Variants in ATP7B observed in about 807,000 individuals in gnomAD.
The protein encoded by ATP7B is copper-transporting ATPase 2.
Under a neutral mutation model 118.9 loss-of-function variants are expected in ATP7B, and 113 were observed. The ratio of observed to expected loss-of-function variants is 0.95; its 90% CI spans 0.82 to 1.11. ATP7B has a LOEUF of 1.11. ATP7B is among the 50% of genes most tolerant of loss of function. The pLI is 0.00. For missense variants in ATP7B, 1,867 were observed against 1,871.4 expected (o/e 1.00, Z 0.04); for synonymous variants, 777 against 727.4 (o/e 1.07, Z -1.10).
Position 51,998,916 on chromosome 13 carries a change from G to A in ATP7B, c.51+12371C>T, listed in dbSNP as rs537825238. The stretch of plus-strand genomic sequence containing the variant: ...TCACACTGGGCAGGGCTTCCCAGAC[G>A]AAATCCCCAGGCCATCCCTCCCAAG... On this transcript the variant is annotated intron_variant, in intron 1 of 20. Coordinates refer to ENST00000242839, the MANE Select transcript of ATP7B (RefSeq NM_000053.4). Among the ~76,000 whole-genome samples, 6 of 152,258 alleles carry A rather than the reference G, an allele frequency of 3.9e-5. No homozygotes were observed. The East Asian group carries it at 7.7e-4, about 20-fold the overall frequency.
In ATP7B at chr13:51,969,596, A is replaced by G. The variant is rs116160442; in HGVS notation, c.1543+896T>C. Reference sequence around the variant, plus strand: ...CACTATTGTGTTAGTTTTACATGGGAAAAAAAGCCTCGTTCAAATAAATGA... The same window carrying G: ...CACTATTGTGTTAGTTTTACATGGGGAAAAAAGCCTCGTTCAAATAAATGA... On this transcript the variant is annotated intron_variant, in intron 3 of 20. Transcript: ENST00000242839. Among the ~76,000 whole-genome samples the G allele has an allele frequency of 6.8e-3, 1,029 of 152,290 alleles. 6 individuals are homozygous for G. Among genetic ancestry groups the G allele is most frequent in the African/African-American group, 0.019 (800 of 41,576 alleles).
intron 1 of ATP7B, 86 bp downstream of exon 1, chr13:52,011,201 G>C: frequency 6.2e-7 from 1 of 1,603,646 alleles, no homozygotes. Context: ...CGCACCCCCT[G>C]GGGGCGAGTA....
rs568128361 is a variant in ATP7B at position 51,950,336 on chromosome 13, T to C, written c.2511A>G (p.Gly837=). 2.0e-5 allele frequency: 33 copies of C among 1,614,036 alleles called. No homozygotes were observed. Among genetic ancestry groups the C allele is most frequent in the African/African-American group, 2.7e-5 (2 of 74,996 alleles). ...GGACTTTCCCATCCACTGGAAACTTTCCCCCAGGGACCACCTTGACGATAT... is the reference window on the plus strand; with the variant it reads ...GGACTTTCCCATCCACTGGAAACTTCCCCCCAGGGACCACCTTGACGATAT... ...RGDIVKVVPG[G]KFPVDGKVLE... Residue 837 remains glycine (G), a synonymous_variant, in exon 10 of 21, where the codon GGA becomes GGG. Transcript: ENST00000242839.
chr13:51,951,805 T>C (rs1428649890), intron 9 of ATP7B, among the ~76,000 whole-genome samples: 1 of 152,092 alleles, frequency 6.6e-6, no homozygotes, highest in Non-Finnish European at 1.5e-5. Context: ...GTAGGGTTTG[T>C]GTGTTGCAGT....
At position 51,970,576 on chromosome 13, in the gene ATP7B, G is replaced by GTGCCAC; in HGVS notation, c.1453_1458dup (p.Val485_Ala486dup). 6.2e-7 allele frequency: 1 copy of GTGCCAC among 1,614,136 alleles called. No individual in the cohort carries two copies. Among genetic ancestry groups the GTGCCAC allele is most frequent in the Non-Finnish European group, 8.5e-7 (1 of 1,180,026 alleles). On this transcript the variant is annotated inframe_insertion, in exon 3 of 21. Transcript: ENST00000242839. Reference sequence around the variant, plus strand: ...TTGATCTGTAAGAAGCACTTCTGCGGTGCCACTGCTCTGGTTGATTGTGGG... The same window carrying GTGCCAC: ...TTGATCTGTAAGAAGCACTTCTGCGGTGCCACTGCCACTGCTCTGGTTGATTGTGGG...
At chr13:51,963,694 C>T (rs974992573) in intron 5 of ATP7B, among the ~76,000 whole-genome samples, 1 of 149,120 alleles carries the variant, frequency 6.7e-6, no homozygotes, top group Non-Finnish European at 1.5e-5. Context: ...CGAGATCATG[C>T]CATCACACTC....
chr13:51,944,161 T>G lies in ATP7B; in HGVS notation c.3191A>C (p.Glu1064Ala), dbSNP rs374094065. ...RKVLAVVGTA[E>A]ASSEHPLGVA... ...GCCCAAGGGGTGTTCACTGCTGGCCTCCGCAGTCCCCACCACAGCCAGAAC... is the reference window on the plus strand; with the variant it reads ...GCCCAAGGGGTGTTCACTGCTGGCCGCCGCAGTCCCCACCACAGCCAGAAC... Residue 1064 changes from glutamate (E) to alanine (A), a missense_variant, in exon 14 of 21, where the codon GAG becomes GCG. Coordinates refer to ENST00000242839, the MANE Select transcript of ATP7B (RefSeq NM_000053.4). 100 of 1,614,024 alleles carry G rather than the reference T, an allele frequency of 6.2e-5. 1 individual carries two copies. Among genetic ancestry groups the G allele is most frequent in the African/African-American group, 1.3e-5 (1 of 74,912 alleles).
At position 51,950,410 on chromosome 13, in the gene ATP7B, C is replaced by T. The variant is rs200450017; in HGVS notation, c.2448-11G>A. 3.7e-4 allele frequency: 594 copies of T among 1,613,628 alleles called. 2 individuals are homozygous for T. The highest frequency in any genetic ancestry group is 3.9e-4 in the Non-Finnish European group (460 of 1,180,036). ...GGGACTTGCTCCTCCCTGCAACAAA[C>T]GCCACTTATCACTCACATGGCCACT... On this transcript the variant is annotated splice_polypyrimidine_tract_variant and intron_variant, in intron 9 of 20. Transcript: ENST00000242839.
At chr13:51,987,411 G>T (rs1172037692) in intron 1 of ATP7B, among the ~76,000 whole-genome samples, 2 of 152,190 alleles carry the variant, frequency 1.3e-5, no homozygotes, top group Admixed American at 1.3e-4. Flanking sequence ...GGAAATAAGA[G>T]AGGACACAAA....
chr13:51,937,655 C>T lies in ATP7B; in HGVS notation c.3724G>A (p.Glu1242Lys). 6.2e-7 allele frequency: 1 copy of T among 1,614,284 alleles called. No homozygotes were observed. The highest frequency in any genetic ancestry group is 8.5e-7 in the Non-Finnish European group (1 of 1,180,056). Residue 1242 changes from glutamate to lysine, a missense_variant, in exon 18 of 21, where the codon GAG (glutamate) becomes AAG (lysine). By Grantham distance (56) the Glu-to-Lys change is moderately conservative. Transcript: ENST00000242839. ...GCCACCTTGTGCGAAGGCAGCACCT[C>T]TGCAAAGACTTTGTTGATGCCAACC... is the stretch of plus-strand genomic sequence containing the variant. The part of the protein sequence containing the change: ...TQVGINKVFA[E>K]VLPSHKVAKV...
intron 1 of ATP7B, among the ~76,000 whole-genome samples, chr13:51,988,681 AT>A (rs995122797): frequency 1.3e-5 from 2 of 152,330 alleles, no homozygotes; most frequent in African/African-American, 2.4e-5. Flanking sequence ...GATAGACTGG[AT>A]AAAGAAAATG....
At chr13:51,958,716 T>C (rs1958525011) in intron 7 of ATP7B, 172 bp from the exon 8 acceptor site, 1 of 668,140 alleles carries the variant, frequency 1.5e-6, no homozygotes, top group Non-Finnish European at 2.7e-6. Context: ...TTCAGAGGAC[T>C]ACTGTCCACA....
At position 51,934,235 on chromosome 13, in the gene ATP7B, C is replaced by G. The variant is rs867987525; in HGVS notation, c.*521G>C. On this transcript the variant is annotated 3_prime_UTR_variant, in exon 21 of 21. Coordinates refer to ENST00000242839, the MANE Select transcript of ATP7B (RefSeq NM_000053.4). Reference sequence around the variant, plus strand: ...ACAAGCACACAGGAGAGAAAAGGAACAGACTATGTACGAAGAAAGGAACAG... The same window carrying G: ...ACAAGCACACAGGAGAGAAAAGGAAGAGACTATGTACGAAGAAAGGAACAG... 1.8e-5 allele frequency: 4 copies of G among 219,560 alleles called. No individual in the cohort carries two copies. The highest frequency in any genetic ancestry group is 6.8e-5 in the African/African-American group (3 of 44,352). The allele number at this position is 219,560 out of a possible 1,614,324, so 13.6% of individuals were successfully genotyped here.
chr13:52,011,896 G>GGGAAGGTGCCCGGCGGCGCCGCGTC (rs1466939086), upstream of ATP7B: 1 of 268,440 alleles, frequency 3.7e-6, no homozygotes, highest in African/African-American at 2.3e-5. Flanking sequence ...ACCGCCTGCG[G>GGGAAGGTGCCCGGCGGCGCCGCGTC]GGAAGGTGCC....
intron 1 of ATP7B, chr13:51,995,361 A>G: frequency 1.0e-6 from 1 of 985,190 alleles, no homozygotes; most frequent in South Asian, 4.7e-5. Flanking sequence ...CTCTGTGGAA[A>G]TTCTCCTTCC....
At chr13:52,011,166 C>G in intron 1 of ATP7B, 121 bp downstream of exon 1, 1 of 1,413,300 alleles carries the variant, frequency 7.1e-7, no homozygotes, top group Non-Finnish European at 1.0e-6. Context: ...ATCCCTGGAG[C>G]TGGGGTCTGG....
At chr13:51,970,831 T>C (rs1951805562) in intron 2 of ATP7B, 82 bp from the exon 3 acceptor site, 1 of 1,468,368 alleles carries the variant, frequency 6.8e-7, no homozygotes, top group East Asian at 2.4e-5. Flanking sequence ...GGGCTCTTGG[T>C]GAGGGTTCAT....
intron 1 of ATP7B, among the ~76,000 whole-genome samples, chr13:51,994,806 A>G (rs1953117483): frequency 1.3e-5 from 2 of 152,218 alleles, no homozygotes; most frequent in Non-Finnish European, 1.5e-5. Context: ...GACTAGGTCA[A>G]TGAAGAAGAC....
Position 51,958,450 on chromosome 13 carries a change from A to T in ATP7B, c.2216T>A (p.Ile739Asn). 2 of 1,614,222 alleles carry T rather than the reference A, an allele frequency of 1.2e-6. No individual in the cohort carries two copies. The highest frequency in any genetic ancestry group is 1.7e-6 in the Non-Finnish European group (2 of 1,180,044). Reference protein sequence around the residue: ...MDVLIVLATSIAYVYSLVILV... With the variant: ...MDVLIVLATSNAYVYSLVILV... ...GATGACCAGAGAATAAACATAAGCA[A>T]TGCTTGTGGCCAGGACGATGAGCAC... Residue 739 changes from isoleucine (I) to asparagine (N), a missense_variant, in exon 8 of 21, where the codon ATT becomes AAT. Transcript: ENST00000242839.
Sources: allele counts gnomAD v4.1 joint callset (sites outside exome capture counted in the v4.1 genomes callset), GRCh38; gene constraint gnomAD v4.1.1; transcripts MANE v1.5; gene names NCBI Gene and HGNC (gene_info 2026-07-23, HGNC 2026-07-21).